The following SYN3 variants were observed in gnomAD, a reference collection of about 807,000 sequenced individuals.
The protein encoded by SYN3 is synapsin III.
A neutral mutation model predicts 65.8 loss-of-function variants in SYN3; 35 were observed. The ratio of observed to expected loss-of-function variants is 0.53; its 90% CI spans 0.41 to 0.70. The LOEUF is 0.70. SYN3 is among the 30% of genes least tolerant of loss of function. The probability of loss-of-function intolerance (pLI) is 0.00; values close to 1 mark genes in which losing one functional copy is unlikely to be tolerated. For missense variants in SYN3, 680 were observed against 749.0 expected (o/e 0.91, Z 1.08); for synonymous variants, 270 against 292.9 (o/e 0.92, Z 0.80).
intron 12 of SYN3, among the ~76,000 whole-genome samples, chr22:32,521,632 G>GAGAC (rs1297762343): frequency 6.6e-6 from 1 of 151,882 alleles, no homozygotes; most frequent in Non-Finnish European, 1.5e-5. Context: ...ATTTTTAGTA[G>GAGAC]AGACAGGGTT....
intron 3 of SYN3, among the ~76,000 whole-genome samples, chr22:32,933,489 C>T (rs140392758): frequency 1.2e-4 from 19 of 152,296 alleles, no homozygotes; most frequent in African/African-American, 3.6e-4. Flanking sequence ...AGTGCAGTGG[C>T]TCAATCTCGG....
intron 3 of SYN3, among the ~76,000 whole-genome samples, chr22:32,951,474 A>G (rs9621608): frequency 0.053 from 8,127 of 152,032 alleles, 706 homozygotes; most frequent in African/African-American, 0.18. Flanking sequence ...TCAATGGTCT[A>G]CCTCTCTCAC....
intron 6 of SYN3, among the ~76,000 whole-genome samples, chr22:32,794,369 T>C (rs185681039): frequency 2.0e-5 from 3 of 152,026 alleles, no homozygotes; most frequent in East Asian, 1.9e-4. Context: ...ACAAGCCCAG[T>C]GGGATTTTGG....
intron 6 of SYN3, among the ~76,000 whole-genome samples, chr22:32,607,404 G>A (rs1281302373): frequency 6.6e-6 from 1 of 152,076 alleles, no homozygotes; most frequent in African/African-American, 2.4e-5. Context: ...CTCAGTCAAC[G>A]CTGCCACCAC....
intron 1 of SYN3, among the ~76,000 whole-genome samples, chr22:33,013,805 G>C (rs796608188): frequency 1.2e-4 from 18 of 152,258 alleles, no homozygotes; most frequent in African/African-American, 4.3e-4. Flanking sequence ...CCACTTACAA[G>C]TGAGATCATG....
chr22:32,811,050 A>G (rs2046903095), intron 6 of SYN3, among the ~76,000 whole-genome samples: 1 of 152,114 alleles, frequency 6.6e-6, no homozygotes, highest in African/African-American at 2.4e-5. Context: ...AATGTTTAGC[A>G]CTAAATATTC....
intron 6 of SYN3, among the ~76,000 whole-genome samples, chr22:32,790,976 T>C (rs1377979901): frequency 2.6e-5 from 4 of 152,194 alleles, no homozygotes; most frequent in South Asian, 2.1e-4. Flanking sequence ...AAAATCTTTT[T>C]AACTGATCAC....
chr22:32,736,502 A>G (rs987933177), intron 6 of SYN3, among the ~76,000 whole-genome samples: 5 of 152,200 alleles, frequency 3.3e-5, no homozygotes, highest in Non-Finnish European at 7.3e-5. Flanking sequence ...TTCATGTCAG[A>G]CAAACACAGT....
intron 3 of SYN3, among the ~76,000 whole-genome samples, chr22:32,962,637 G>A (rs1159006110): frequency 6.6e-6 from 1 of 152,176 alleles, no homozygotes; most frequent in African/African-American, 2.4e-5. Flanking sequence ...CCAGACGGAA[G>A]CCAGACAGAC....
chr22:32,645,569 C>A (rs1158673144), intron 6 of SYN3, among the ~76,000 whole-genome samples: 2 of 152,062 alleles, frequency 1.3e-5, no homozygotes, highest in African/African-American at 4.8e-5. Context: ...GTGTTTAAAG[C>A]TTGTGAGGCT....
chr22:32,961,119 T>C (rs534992822), intron 3 of SYN3, among the ~76,000 whole-genome samples: 1 of 152,126 alleles, frequency 6.6e-6, no homozygotes, highest in Non-Finnish European at 1.5e-5. Flanking sequence ...CTGTTTTGTG[T>C]ATTGTAGGAG....
chr22:32,596,207 T>C (rs1051803789), intron 7 of SYN3, among the ~76,000 whole-genome samples: 53 of 152,316 alleles, frequency 3.5e-4, no homozygotes, highest in African/African-American at 1.2e-3. Context: ...CCAGCCATGC[T>C]TCCCATACAG....
intron 2 of SYN3, among the ~76,000 whole-genome samples, chr22:32,993,289 A>G (rs1191625300): frequency 6.6e-6 from 1 of 152,086 alleles, no homozygotes; most frequent in African/African-American, 2.4e-5. Flanking sequence ...TCTGACACTC[A>G]GGTCTCCCTA....
intron 6 of SYN3, among the ~76,000 whole-genome samples, chr22:32,773,374 T>C (rs1380774187): frequency 7.7e-6 from 1 of 129,640 alleles, no homozygotes; most frequent in Non-Finnish European, 1.5e-5. Context: ...GCCACTGCAC[T>C]CCAGTCTGGG....
At chr22:32,950,389 C>T (rs2146819952) in intron 3 of SYN3, among the ~76,000 whole-genome samples, 1 of 152,178 alleles carries the variant, frequency 6.6e-6, no homozygotes, top group East Asian at 1.9e-4. Flanking sequence ...TGATTCTGGC[C>T]TCCACATTCT....
Position 32,511,412 on chromosome 22 carries a change from G to A in SYN3, c.*2280C>T, listed in dbSNP as rs759495020. On this transcript the variant is annotated 3_prime_UTR_variant, in exon 14 of 14. Coordinates refer to ENST00000358763, the MANE Select transcript of SYN3 (RefSeq NM_003490.4). ...AAGCAGCAGCTTCATGTGTCTGACT[G>A]CCCACTGCATCATCTCAGCTGCCTC... Among the ~76,000 whole-genome samples the A allele has an allele frequency of 2.0e-5, 3 of 152,246 alleles. No individual in the cohort carries two copies. Among genetic ancestry groups the A allele is most frequent in the Non-Finnish European group, 4.4e-5 (3 of 68,052 alleles).
At chr22:32,954,146 A>G (rs2146842750) in intron 3 of SYN3, among the ~76,000 whole-genome samples, 1 of 150,920 alleles carries the variant, frequency 6.6e-6, no homozygotes, top group East Asian at 1.9e-4. Context: ...ACAAAACAAA[A>G]CAAAAACCGC....
At chr22:32,634,545 A>C (rs917003164) in intron 6 of SYN3, among the ~76,000 whole-genome samples, 1 of 152,204 alleles carries the variant, frequency 6.6e-6, no homozygotes, top group African/African-American at 2.4e-5. Flanking sequence ...CTAACTCAAA[A>C]TCACTAGACA....
chr22:32,715,469 G>A (rs1222174524), intron 6 of SYN3, among the ~76,000 whole-genome samples: 1 of 152,138 alleles, frequency 6.6e-6, no homozygotes, highest in Non-Finnish European at 1.5e-5. Flanking sequence ...AAATTCATCA[G>A]CATGCTACCA....
Sources: allele counts gnomAD v4.1 joint callset (sites outside exome capture counted in the v4.1 genomes callset), GRCh38; gene constraint gnomAD v4.1.1; transcripts MANE v1.5; gene names NCBI Gene and HGNC (gene_info 2026-07-23, HGNC 2026-07-21).